Variants in ASIC2 observed in about 807,000 individuals in gnomAD.
The protein encoded by ASIC2 is acid-sensing ion channel 2.
ASIC2 carries 25 observed loss-of-function variants against 57.3 expected under a neutral mutation model. The ratio of observed to expected loss-of-function variants is 0.44; its 90% CI spans 0.32 to 0.61. The LOEUF is 0.61. Ranked by LOEUF, ASIC2 falls within the 20% of genes least tolerant of loss-of-function variation. The probability of loss-of-function intolerance (pLI) is 0.06; values close to 1 mark genes in which losing one functional copy is unlikely to be tolerated. For missense variants in ASIC2, 641 were observed against 738.1 expected (o/e 0.87, Z 1.52); for synonymous variants, 319 against 307.5 (o/e 1.04, Z -0.39).
chr17:34,132,474 C>T (rs1487564056), intron 1 of ASIC2, among the ~76,000 whole-genome samples: 2 of 150,606 alleles, frequency 1.3e-5, no homozygotes, highest in Non-Finnish European at 2.9e-5. Flanking sequence ...TTTGTCCTAT[C>T]AGCGTGTCTT....
In ASIC2 at chr17:33,714,347, C is replaced by T. The variant is rs571621767; in HGVS notation, c.555+441631G>A. 8.5e-5 allele frequency among the ~76,000 whole-genome samples: 13 copies of T among 152,196 alleles called. 1 individual carries two copies. The highest frequency in any genetic ancestry group is 3.1e-4 in the African/African-American group (13 of 41,512). ...TGTGTGTAATGACAAAATTTGGAAG[C>T]AACACAAATATCCTTCAGTAGTGGA... is the stretch of plus-strand genomic sequence containing the variant. On this transcript the variant is annotated intron_variant, in intron 1 of 9. Coordinates refer to the ASIC2 transcript ENST00000359872.
chr17:33,468,717 A>G (rs1912943346), intron 1 of ASIC2, among the ~76,000 whole-genome samples: 1 of 151,578 alleles, frequency 6.6e-6, no homozygotes. Context: ...TCACTTAAAC[A>G]GGTGAAGAAA....
At chr17:33,146,686 C>T (rs577201026) in intron 1 of ASIC2, among the ~76,000 whole-genome samples, 67 of 152,278 alleles carry the variant, frequency 4.4e-4, no homozygotes, top group African/African-American at 1.6e-3. Context: ...ACCTCTGTGC[C>T]GGCAGAAGAC....
At chr17:33,946,116 T>C (rs1401650802) in intron 1 of ASIC2, among the ~76,000 whole-genome samples, 1 of 152,228 alleles carries the variant, frequency 6.6e-6, no homozygotes, top group Non-Finnish European at 1.5e-5. Context: ...CCAGATCCTA[T>C]TACTGGTCAC....
At chr17:33,233,052 G>A (rs1380800248) in intron 1 of ASIC2, among the ~76,000 whole-genome samples, 3 of 152,092 alleles carry the variant, frequency 2.0e-5, no homozygotes, top group African/African-American at 7.2e-5. Context: ...GCCTGTCCTG[G>A]CAGACTCCAG....
intron 1 of ASIC2, among the ~76,000 whole-genome samples, chr17:33,618,153 T>A (rs1237011449): frequency 6.6e-6 from 1 of 152,000 alleles, no homozygotes; most frequent in Non-Finnish European, 1.5e-5. Context: ...CGAATCCATA[T>A]TCTGCTTGTA....
chr17:33,337,799 T>C (rs1025595922), intron 1 of ASIC2, among the ~76,000 whole-genome samples: 5 of 148,858 alleles, frequency 3.4e-5, no homozygotes, highest in Non-Finnish European at 7.4e-5. Context: ...GCAAAGAAAA[T>C]GTAAGTGTTC....
intron 1 of ASIC2, among the ~76,000 whole-genome samples, chr17:33,669,485 G>A (rs1462939637): frequency 6.6e-6 from 1 of 152,176 alleles, no homozygotes; most frequent in African/African-American, 2.4e-5. Context: ...GACAGACATG[G>A]AAGAGATTCC....
At chr17:33,525,321 T>C (rs1377471881) in intron 1 of ASIC2, among the ~76,000 whole-genome samples, 1 of 152,190 alleles carries the variant, frequency 6.6e-6, no homozygotes. Context: ...AGCCCCTTTG[T>C]AGCTCACATA....
chr17:33,223,131 A>G (rs1185466580), intron 1 of ASIC2, among the ~76,000 whole-genome samples: 1 of 151,914 alleles, frequency 6.6e-6, no homozygotes, highest in East Asian at 1.9e-4. Flanking sequence ...CTGAACCAAA[A>G]CACAGACAAC....
At chr17:33,490,690 A>G (rs1597748954) in intron 1 of ASIC2, among the ~76,000 whole-genome samples, 1 of 152,312 alleles carries the variant, frequency 6.6e-6, no homozygotes, top group African/African-American at 2.4e-5. Flanking sequence ...GCCACGTGGA[A>G]CTGTGAGTCA....
At chr17:33,243,635 A>C (rs41423745) in intron 1 of ASIC2, among the ~76,000 whole-genome samples, 4,140 of 152,328 alleles carry the variant, frequency 0.027, 73 homozygotes, top group Non-Finnish European at 0.04. Context: ...TTCAACATAC[A>C]GGAACGATCC....
At chr17:33,966,621 C>A (rs1448679079) in intron 1 of ASIC2, among the ~76,000 whole-genome samples, 1 of 152,192 alleles carries the variant, frequency 6.6e-6, no homozygotes, top group Admixed American at 6.5e-5. Context: ...AAGTAGTTCT[C>A]ACTTTACCCT....
intron 6 of ASIC2, 146 bp from the exon 7 acceptor site, chr17:33,021,456 A>G: frequency 1.5e-6 from 1 of 659,000 alleles, no homozygotes; most frequent in Non-Finnish European, 2.6e-6. Flanking sequence ...GGTTAGTGGC[A>G]GAGCTGCGGC....
At chr17:33,719,066 T>C (rs1211192137) in intron 1 of ASIC2, among the ~76,000 whole-genome samples, 2 of 152,088 alleles carry the variant, frequency 1.3e-5, no homozygotes, top group Non-Finnish European at 2.9e-5. Flanking sequence ...GCCCGGGGGA[T>C]AGGCTGAGTC....
intron 1 of ASIC2, among the ~76,000 whole-genome samples, chr17:34,117,628 C>T (rs1911466535): frequency 6.6e-6 from 1 of 152,148 alleles, no homozygotes; most frequent in Non-Finnish European, 1.5e-5. Context: ...ACAGAAGATG[C>T]TGAAGTCCTG....
At chr17:33,629,767 A>G (rs573297645) in intron 1 of ASIC2, among the ~76,000 whole-genome samples, 1 of 152,226 alleles carries the variant, frequency 6.6e-6, no homozygotes, top group Non-Finnish European at 1.5e-5. Flanking sequence ...GCAAACTTCC[A>G]GGGTAGCAAA....
intron 1 of ASIC2, among the ~76,000 whole-genome samples, chr17:33,215,014 C>T (rs964579614): frequency 4.6e-5 from 7 of 152,202 alleles, no homozygotes; most frequent in African/African-American, 1.7e-4. Context: ...TACTAAGAGG[C>T]TTCCCTATAC....
intron 1 of ASIC2, among the ~76,000 whole-genome samples, chr17:33,782,504 A>C (rs1432242531): frequency 1.3e-5 from 2 of 151,766 alleles, no homozygotes; most frequent in Non-Finnish European, 2.9e-5. Context: ...GCCGAGGCAG[A>C]CTCTTTGAGC....
Sources: gnomAD v4.1 joint callset for allele counts (sites outside exome capture counted in the v4.1 genomes callset) on GRCh38, gnomAD v4.1.1 for gene constraint, MANE v1.5 for transcripts, NCBI Gene and HGNC (gene_info 2026-07-23, HGNC 2026-07-21) for gene names.